The following C1QTNF5 variants were observed in gnomAD, a reference collection of about 807,000 sequenced individuals.
C1QTNF5 encodes the protein C1q and TNF related 5.
A neutral mutation model predicts 10.9 loss-of-function variants in C1QTNF5; 5 were observed. The observed-to-expected ratio is 0.46, with a 90% confidence interval of 0.24 to 0.97. C1QTNF5 has a LOEUF of 0.97. Among genes scored for constraint, C1QTNF5 ranks in the 50% least tolerant of loss-of-function variants. The probability of loss-of-function intolerance (pLI) is 0.19; values close to 1 mark genes in which losing one functional copy is unlikely to be tolerated. For synonymous variants in C1QTNF5, 161 were observed against 156.5 expected, an observed-to-expected ratio of 1.03 and a Z score of -0.22; for missense variants, 281 against 339.4, an observed-to-expected ratio of 0.83 and a Z score of 1.35.
upstream of C1QTNF5, chr11:119,340,996 C>T (rs190897457): frequency 3.1e-4 from 56 of 178,700 alleles, no homozygotes; most frequent in Admixed American, 9.1e-4. Context: ...TTGAGCTGGG[C>T]ACAGAGAGGC....
upstream of C1QTNF5, chr11:119,345,655 T>G (rs1950556650): frequency 1.2e-6 from 2 of 1,612,832 alleles, no homozygotes; most frequent in African/African-American, 1.3e-5. Flanking sequence ...GAGGTTAGAG[T>G]TCAGAGGTCA....
chr11:119,344,996 C>T (rs371935507), upstream of C1QTNF5: 1 of 1,605,046 alleles, frequency 6.2e-7, no homozygotes, highest in African/African-American at 1.3e-5. Flanking sequence ...AGGCACCCTT[C>T]CACAAACCCT....
At chr11:119,343,950 A>G (rs764815644), upstream of C1QTNF5, 3 of 1,612,960 alleles carry the variant, frequency 1.9e-6, no homozygotes, top group Non-Finnish European at 2.5e-6. Context: ...GCACCGAGAT[A>G]TGCCAGGTGC....
chr11:119,344,183 T>TC, upstream of C1QTNF5: 1 of 997,400 alleles, frequency 1.0e-6, no homozygotes, highest in Non-Finnish European at 1.6e-6. Flanking sequence ...TATTCCCCCA[T>TC]CCCCCGTCTG....
upstream of C1QTNF5, chr11:119,345,130 TC>T: frequency 8.0e-7 from 1 of 1,245,264 alleles, no homozygotes; most frequent in Non-Finnish European, 1.1e-6. Context: ...TCAAAAAGGC[TC>T]CTCTGATGTC....
upstream of C1QTNF5, chr11:119,342,125 C>G: frequency 9.9e-7 from 1 of 1,005,208 alleles, no homozygotes; most frequent in Non-Finnish European, 1.5e-6. Context: ...AACAAAGAGA[C>G]AGGCTGTACA....
Position 119,338,986 on chromosome 11 carries a change from C to A in C1QTNF5, c.*345G>T, listed in dbSNP as rs551431328. ...GAGTGATCTCTGAGAAAAGGGCCGG[C>A]CCCAGGAGCAGGAGGGGGTGGGGAG... On this transcript the variant is annotated 3_prime_UTR_variant, in exon 3 of 3. Coordinates refer to ENST00000528368, the MANE Select transcript of C1QTNF5 (RefSeq NM_001278431.2). 21 of 241,438 alleles carry A rather than the reference C, an allele frequency of 8.7e-5. No homozygotes were observed. In the East Asian group the frequency reaches 1.7e-3, roughly 19 times the overall value. The allele number at this position is 241,438 out of a possible 1,614,324, so 15.0% of individuals were successfully genotyped here. A position where few individuals can be genotyped will look rare whatever the true frequency, so the allele number is the denominator to read the frequency against.
At chr11:119,344,062 T>A, upstream of C1QTNF5, 1 of 1,469,458 alleles carries the variant, frequency 6.8e-7, no homozygotes, top group Non-Finnish European at 9.4e-7. Context: ...GCTGGGGGGA[T>A]GGGGTGGTGC....
upstream of C1QTNF5, chr11:119,342,621 G>C (rs778370220): frequency 2.5e-6 from 4 of 1,613,490 alleles, no homozygotes; most frequent in Non-Finnish European, 2.5e-6. Flanking sequence ...AGGGGCCGCT[G>C]CAGTTGTCAT....
At position 119,340,806 on chromosome 11, in the gene C1QTNF5, G is replaced by A; in HGVS notation, c.-155C>T. Reference sequence around the variant, plus strand: ...TCCCCGGCCAGGCGCCCCCTGCCCTGCCGTCACCCCAGTCCTGGTTCGCTC... The same window carrying A: ...TCCCCGGCCAGGCGCCCCCTGCCCTACCGTCACCCCAGTCCTGGTTCGCTC... On this transcript the variant is annotated 5_prime_UTR_variant, in exon 1 of 3. Coordinates refer to ENST00000528368, the MANE Select transcript of C1QTNF5 (RefSeq NM_001278431.2). 4.0e-6 allele frequency: 1 copy of A among 251,516 alleles called. No individual in the cohort carries two copies. Among genetic ancestry groups the A allele is most frequent in the Non-Finnish European group, 7.7e-6 (1 of 130,498 alleles). 15.6% of individuals were successfully genotyped at this position (251,516 alleles called of 1,614,324 possible).
upstream of C1QTNF5, chr11:119,344,411 C>T: frequency 2.5e-6 from 4 of 1,610,610 alleles, no homozygotes; most frequent in Non-Finnish European, 3.4e-6. Flanking sequence ...GGTGGAAGGG[C>T]TCATGAGTTT....
Position 119,339,315 on chromosome 11 carries a change from C to T in C1QTNF5, c.*16G>A, listed in dbSNP as rs1950471678. The T allele has an allele frequency of 3.7e-6, 6 of 1,610,442 alleles. No individual in the cohort carries two copies. In the East Asian group the frequency reaches 6.7e-5, roughly 18 times the overall value. ...CCTTCTAGGAGTGAGAGCATGAGCT[C>T]ACTTTGCAGTGGGCACTAAGCAAAG... On this transcript the variant is annotated 3_prime_UTR_variant, in exon 3 of 3. Transcript: ENST00000528368. This position sits in a 1 kb window ranked among gnomAD's most constrained non-coding sequence, Gnocchi z 5.4.
the C1QTNF5 span, chr11:119,346,137 C>G: frequency 6.3e-7 from 1 of 1,599,366 alleles, no homozygotes; most frequent in Non-Finnish European, 8.5e-7. Context: ...GGCAGTCTGG[C>G]CGTAGCCCTC....
upstream of C1QTNF5, chr11:119,344,381 C>T (rs777996384): frequency 8.1e-6 from 13 of 1,613,368 alleles, no homozygotes; most frequent in Admixed American, 1.7e-4. Flanking sequence ...CAGTCAGATT[C>T]CCCCCACACC....
upstream of C1QTNF5, chr11:119,341,872 G>C (rs763296494): frequency 3.7e-6 from 6 of 1,613,900 alleles, no homozygotes; most frequent in Non-Finnish European, 5.1e-6. Flanking sequence ...AACCGCTGAG[G>C]ACCTCTACCA....
chr11:119,344,823 G>T (rs752970071), upstream of C1QTNF5: 2 of 1,613,598 alleles, frequency 1.2e-6, no homozygotes, highest in Admixed American at 1.7e-5. Context: ...ACTGGGAGTG[G>T]GTGGAGGGGA....
Position 119,340,043 on chromosome 11 carries a change from G to A in C1QTNF5, c.214+141C>T, listed in dbSNP as rs901597224. On this transcript the variant is annotated intron_variant, in intron 2 of 2. Coordinates refer to ENST00000528368, the MANE Select transcript of C1QTNF5 (RefSeq NM_001278431.2). ...TGGCCAAGGGGGCTCCCGCCGCCTGGGCCCCTCCCCCGCTCAGGGCTGCAA... is the reference window on the plus strand; with the variant it reads ...TGGCCAAGGGGGCTCCCGCCGCCTGAGCCCCTCCCCCGCTCAGGGCTGCAA... 8 of 1,260,516 alleles carry A rather than the reference G, an allele frequency of 6.3e-6. No individual in the cohort carries two copies. The African/African-American group carries it at 1.3e-4, about 20-fold the overall frequency. 78.1% of individuals were successfully genotyped at this position (1,260,516 alleles called of 1,614,324 possible).
upstream of C1QTNF5, among the ~76,000 whole-genome samples, chr11:119,343,360 A>G (rs1950522648): frequency 6.6e-6 from 1 of 152,132 alleles, no homozygotes; most frequent in Admixed American, 6.5e-5. Flanking sequence ...AAAAATTAAA[A>G]AAGTAAATTA....
chr11:119,346,284 C>T, the C1QTNF5 span: 1 of 1,613,214 alleles, frequency 6.2e-7, no homozygotes, highest in Non-Finnish European at 8.5e-7. Context: ...TGCCAGGGAG[C>T]TGGGACGCTG....
Sources: allele counts gnomAD v4.1 joint callset (sites outside exome capture counted in the v4.1 genomes callset), GRCh38; gene constraint gnomAD v4.1.1; non-coding constraint Gnocchi (gnomAD v3.1); transcripts MANE v1.5; gene names NCBI Gene and HGNC (gene_info 2026-07-23, HGNC 2026-07-21).